DGKK: variants seen among roughly 807,000 people sequenced by gnomAD.
DGKK encodes the protein diacylglycerol kinase kappa.
Under a neutral mutation model 92.2 loss-of-function variants are expected in DGKK, and 35 were observed. The observed-to-expected ratio is 0.38, with a 90% CI of 0.29 to 0.50. The LOEUF (loss-of-function observed/expected upper bound fraction) is 0.50. DGKK is among the 20% of genes least tolerant of loss of function. DGKK has a pLI of 0.92. For synonymous variants in DGKK, 368 were observed against 360.6 expected (o/e 1.02, Z -0.23); for missense variants, 910 against 992.2 (o/e 0.92, Z 1.11).
At chrX:50,467,598 T>G (rs1345515326) in intron 1 of DGKK, among the ~76,000 whole-genome samples, 3 of 113,117 alleles carry the variant, frequency 2.7e-5, no homozygotes, top group Non-Finnish European at 5.6e-5. Flanking sequence ...TGCACGCCTG[T>G]GCGTGTTGCA....
intron 4 of DGKK, among the ~76,000 whole-genome samples, chrX:50,417,848 A>G (rs1372583166): frequency 1.8e-5 from 2 of 110,866 alleles, no homozygotes; most frequent in East Asian, 5.7e-4. Flanking sequence ...CTTTGAACAC[A>G]TTGCAAATCT....
Position 50,379,975 on chromosome X carries a change from A to G in DGKK, c.2754+6T>C. On this transcript the variant is annotated splice_donor_region_variant and intron_variant, in intron 19 of 27. Transcript: ENST00000611977. The stretch of plus-strand genomic sequence containing the variant: ...CCCAGGAAAGACTACCCGCTTTTCC[A>G]CTAACCTCCAAATGCACTCGTTCTT... 1 of 1,209,829 alleles carries G rather than the reference A, an allele frequency of 8.3e-7. No individual in the cohort carries two copies. Among genetic ancestry groups the G allele is most frequent in the Non-Finnish European group, 1.1e-6 (1 of 893,679 alleles).
At chrX:50,405,995 A>G (rs182548773) in intron 4 of DGKK, among the ~76,000 whole-genome samples, 1 of 111,734 alleles carries the variant, frequency 8.9e-6, no homozygotes, top group Admixed American at 9.5e-5. Flanking sequence ...CCTATTATGT[A>G]TCATCTACCA....
At position 50,391,429 on chromosome X, in the gene DGKK, C is replaced by T. The variant is rs1557225521; in HGVS notation, c.1844+8G>A. ...GAGGCACAAGGGCCTGGTCTTTCAG[C>T]CACTTACCTGTCTAGGATCCTCACA... is the stretch of plus-strand genomic sequence containing the variant. On this transcript the variant is annotated splice_region_variant and intron_variant, in intron 11 of 27. Coordinates refer to ENST00000611977, the MANE Select transcript of DGKK (RefSeq NM_001013742.4). The T allele has an allele frequency of 8.3e-7, 1 of 1,209,685 alleles. No individual in the cohort carries two copies. The highest frequency in any genetic ancestry group is 2.2e-5 in the Admixed American group (1 of 45,928).
rs1557223053 is a variant in DGKK, at chrX:50,370,565, A to T, written c.3613-16T>A. The T allele has an allele frequency of 8.4e-7, 1 of 1,190,015 alleles. No individual in the cohort carries two copies. Among genetic ancestry groups the T allele is most frequent in the South Asian group, 1.9e-5 (1 of 53,611 alleles). On this transcript the variant is annotated splice_polypyrimidine_tract_variant and intron_variant, in intron 26 of 27. Transcript: ENST00000611977. ...AAGATTTTTCCTGAGAAACCACAAG[A>T]GGAAGGTCAAAATGTTAGTTGCCTA...
intron 27 of DGKK, 94 bp from the exon 28 acceptor site, chrX:50,369,113 AGAAG>A: frequency 1.5e-6 from 1 of 645,570 alleles, no homozygotes; most frequent in Non-Finnish European, 2.4e-6. Context: ...AAAGTCTGTT[AGAAG>A]ATAGACTGGT....
At chrX:50,410,414 T>C (rs782417212) in intron 4 of DGKK, among the ~76,000 whole-genome samples, 2 of 112,252 alleles carry the variant, frequency 1.8e-5, no homozygotes, top group African/African-American at 6.5e-5. Context: ...CTTGCCTGAA[T>C]TGTGTTTGTA....
intron 1 of DGKK, among the ~76,000 whole-genome samples, chrX:50,447,369 T>C (rs1282520747): frequency 8.6e-5 from 1 of 11,614 alleles, no homozygotes; most frequent in African/African-American, 1.2e-3. Flanking sequence ...TATATATATA[T>C]TATATATATA....
intron 16 of DGKK, 86 bp from the exon 17 acceptor site, chrX:50,384,350 G>A: frequency 1.6e-6 from 1 of 615,385 alleles, no homozygotes; most frequent in Non-Finnish European, 2.5e-6. Flanking sequence ...TTTTCTCTGT[G>A]GAGGCAGGGT....
At chrX:50,428,590 T>C (rs1925804383) in intron 1 of DGKK, among the ~76,000 whole-genome samples, 1 of 111,880 alleles carries the variant, frequency 8.9e-6, no homozygotes, top group African/African-American at 3.3e-5. Flanking sequence ...CTACTTTTTG[T>C]TAATTAAGTT....
At chrX:50,375,921 T>A in intron 24 of DGKK, 103 bp downstream of exon 24, 1 of 978,996 alleles carries the variant, frequency 1.0e-6, no homozygotes, top group Non-Finnish European at 1.4e-6. Context: ...TCCTGCCATA[T>A]TTGCCCAGTT....
intron 6 of DGKK, 24 bp from the exon 7 acceptor site, chrX:50,403,207 G>A: frequency 2.6e-6 from 3 of 1,170,386 alleles, no homozygotes; most frequent in Non-Finnish European, 3.4e-6. Flanking sequence ...AAAAGACACA[G>A]GAGGTAGAAG....
At chrX:50,459,108 T>G (rs1322371490) in intron 1 of DGKK, among the ~76,000 whole-genome samples, 2 of 111,950 alleles carry the variant, frequency 1.8e-5, no homozygotes, top group Admixed American at 1.9e-4. Flanking sequence ...GGAACCTTTG[T>G]TCCATTATTT....
At position 50,395,797 on chromosome X, in the gene DGKK, C is replaced by CAAA. The variant is rs35132890; in HGVS notation, c.1412-2465_1412-2463dup. ...TTTTTTTTCTTGTCTAGAACATTGGCAAAAAAAAAAAAAAATAGATAACAC... is the reference window on the plus strand; with the variant it reads ...TTTTTTTTCTTGTCTAGAACATTGGCAAAAAAAAAAAAAAAAAATAGATAACAC... On this transcript the variant is annotated intron_variant, in intron 8 of 27. Coordinates refer to ENST00000611977, the MANE Select transcript of DGKK (RefSeq NM_001013742.4). Among the ~76,000 whole-genome samples the CAAA allele has an allele frequency of 1.4e-3, 114 of 81,321 alleles. 1 individual carries two copies. The highest frequency in any genetic ancestry group is 4.5e-3 in the South Asian group (7 of 1,566). 70.6% of individuals were successfully genotyped at this position (81,321 alleles called of 115,157 possible).
chrX:50,426,306 T>A (rs1188004945), intron 1 of DGKK, among the ~76,000 whole-genome samples: 1 of 111,830 alleles, frequency 8.9e-6, no homozygotes, highest in Non-Finnish European at 1.9e-5. Context: ...CTTGGCCTGT[T>A]CTGAGAAGCA....
intron 24 of DGKK, among the ~76,000 whole-genome samples, chrX:50,375,717 A>G (rs1557223749): frequency 9.0e-6 from 1 of 111,520 alleles, no homozygotes; most frequent in Admixed American, 9.5e-5. Flanking sequence ...TACTTGTGAT[A>G]AGGAAGGGCC....
At chrX:50,401,384 C>T (rs889125956) in intron 7 of DGKK, among the ~76,000 whole-genome samples, 1 of 111,133 alleles carries the variant, frequency 9.0e-6, no homozygotes, top group African/African-American at 3.3e-5. Context: ...AAGATACCCA[C>T]CTACAGGCAC....
intron 8 of DGKK, among the ~76,000 whole-genome samples, chrX:50,395,629 T>TTATC (rs1924830285): frequency 9.0e-6 from 1 of 111,157 alleles, no homozygotes; most frequent in South Asian, 3.8e-4. Context: ...TTCAAAAACT[T>TTATC]AAATTAGTTT....
chrX:50,369,505 CCT>C (rs1332501873), intron 27 of DGKK, among the ~76,000 whole-genome samples: 1 of 106,015 alleles, frequency 9.4e-6, no homozygotes, highest in East Asian at 3.0e-4. Flanking sequence ...CTTTATTCTT[CCT>C]CTTTTTTTCT....
Sources: allele counts gnomAD v4.1 joint callset (sites outside exome capture counted in the v4.1 genomes callset), GRCh38; gene constraint gnomAD v4.1.1; transcripts MANE v1.5; gene names NCBI Gene and HGNC (gene_info 2026-07-23, HGNC 2026-07-21).